FOXP1: variants seen among roughly 807,000 people sequenced by gnomAD.
The protein encoded by FOXP1 is forkhead box P1, also known as forkhead box protein P1.
FOXP1 carries 15 observed loss-of-function variants against 98.2 expected under a neutral mutation model. That is an observed-to-expected ratio of 0.15 (90% CI 0.10 to 0.24). The LOEUF (loss-of-function observed/expected upper bound fraction) is 0.24, where lower values mean the gene tolerates loss of function less well. Among genes scored for constraint, FOXP1 ranks in the 10% least tolerant of loss-of-function variants. The probability of loss-of-function intolerance (pLI) is 1.00; values close to 1 mark genes in which losing one functional copy is unlikely to be tolerated. For missense variants in FOXP1, 633 were observed against 848.5 expected, an observed-to-expected ratio of 0.75 and a Z score of 3.15; for synonymous variants, 371 against 314.5, an observed-to-expected ratio of 1.18 and a Z score of -1.90.
intron 7 of FOXP1, among the ~76,000 whole-genome samples, chr3:71,097,720 G>A (rs781684489): frequency 1.3e-5 from 2 of 152,168 alleles, no homozygotes; most frequent in Non-Finnish European, 2.9e-5. Flanking sequence ...ACAATCCAGG[G>A]AGGGTAACAG....
At chr3:71,103,699 G>A (rs1475825050) in intron 7 of FOXP1, among the ~76,000 whole-genome samples, 1 of 152,146 alleles carries the variant, frequency 6.6e-6, no homozygotes, top group African/African-American at 2.4e-5. Flanking sequence ...AAGGTGGGGG[G>A]AGGGAAGAAA....
chr3:71,345,963 A>G (rs1393387496), intron 4 of FOXP1, among the ~76,000 whole-genome samples: 3 of 149,124 alleles, frequency 2.0e-5, no homozygotes, highest in South Asian at 4.3e-4. Flanking sequence ...AGCACAAAAT[A>G]TAAGGAAAGG....
intron 10 of FOXP1, among the ~76,000 whole-genome samples, chr3:71,043,763 C>T (rs939562809): frequency 6.6e-6 from 1 of 152,264 alleles, no homozygotes; most frequent in Non-Finnish European, 1.5e-5. Context: ...CGCTTTCTCT[C>T]GAAGAAAAGC....
chr3:71,581,250 TG>T lies in FOXP1; in HGVS notation c.-298+298del, dbSNP rs897675399. ...ATAATTAATAGTTATAAGAGGGGAG[TG>T]GGGTGAGAAGGGGGGCGAGGATGTC... is the stretch of plus-strand genomic sequence containing the variant. On this transcript the variant is annotated intron_variant, in intron 2 of 20. Coordinates refer to ENST00000649528, the MANE Select transcript of FOXP1 (RefSeq NM_001349338.3). 17 of 982,708 alleles carry T rather than the reference TG, an allele frequency of 1.7e-5. No individual in the cohort carries two copies. In the African/African-American group the frequency reaches 2.7e-4, roughly 15 times the overall value. 60.9% of individuals were successfully genotyped at this position (982,708 alleles called of 1,614,324 possible).
At chr3:71,147,420 C>T (rs1371059371) in intron 6 of FOXP1, among the ~76,000 whole-genome samples, 5 of 152,158 alleles carry the variant, frequency 3.3e-5, no homozygotes, top group Admixed American at 3.3e-4. Context: ...GATCCCCTTC[C>T]CTCTCAGGGC....
At chr3:71,425,345 C>T (rs932330465) in intron 3 of FOXP1, among the ~76,000 whole-genome samples, 1 of 152,104 alleles carries the variant, frequency 6.6e-6, no homozygotes, top group South Asian at 2.1e-4. Flanking sequence ...CAGCTGGTCT[C>T]GAACTCCTGA....
intron 14 of FOXP1, among the ~76,000 whole-genome samples, chr3:70,982,256 T>TA (rs2038998037): frequency 6.6e-6 from 1 of 152,236 alleles, no homozygotes; most frequent in African/African-American, 2.4e-5. Flanking sequence ...ATATTCATCT[T>TA]AATTGTAAAC....
chr3:71,267,385 G>A (rs1482888553), intron 5 of FOXP1, among the ~76,000 whole-genome samples: 3 of 152,052 alleles, frequency 2.0e-5, no homozygotes, highest in East Asian at 1.9e-4. Context: ...GAAAGGACTC[G>A]ATGGCTAGAT....
At chr3:71,383,644 G>A (rs974938966) in intron 3 of FOXP1, among the ~76,000 whole-genome samples, 1 of 152,000 alleles carries the variant, frequency 6.6e-6, no homozygotes, top group Non-Finnish European at 1.5e-5. Context: ...AAAAAGCAGG[G>A]GTGTCTGTGC....
At chr3:71,169,769 T>TA (rs1412028042) in intron 6 of FOXP1, among the ~76,000 whole-genome samples, 3 of 138,632 alleles carry the variant, frequency 2.2e-5, no homozygotes, top group South Asian at 2.3e-4. Flanking sequence ...AATTACTGGC[T>TA]AAAAAATTAC....
intron 7 of FOXP1, among the ~76,000 whole-genome samples, chr3:71,089,637 A>T (rs1465403672): frequency 6.6e-6 from 1 of 152,186 alleles, no homozygotes; most frequent in African/African-American, 2.4e-5. Context: ...TCCTTGCCAC[A>T]TGGGGATCAC....
At chr3:71,214,240 C>T (rs1029131630) in intron 5 of FOXP1, among the ~76,000 whole-genome samples, 1 of 152,232 alleles carries the variant, frequency 6.6e-6, no homozygotes, top group Non-Finnish European at 1.5e-5. Context: ...GGATCTCCCC[C>T]ATGGGGAAGT....
chr3:71,082,241 C>T (rs1276995589), intron 7 of FOXP1, among the ~76,000 whole-genome samples: 5 of 149,026 alleles, frequency 3.4e-5, no homozygotes, highest in African/African-American at 7.5e-5. Flanking sequence ...ATTGCACCAC[C>T]GCACTCCAGC....
chr3:70,998,161 T>C (rs1238398659), intron 13 of FOXP1, among the ~76,000 whole-genome samples: 2 of 152,212 alleles, frequency 1.3e-5, no homozygotes, highest in African/African-American at 4.8e-5. Flanking sequence ...GGCAAACTTC[T>C]GTAAGAGCCA....
Position 70,958,202 on chromosome 3 carries a change from A to T in FOXP1, c.*1045T>A. 1 of 438,840 alleles carries T rather than the reference A, an allele frequency of 2.3e-6. No homozygotes were observed. The highest frequency in any genetic ancestry group is 4.3e-6 in the Non-Finnish European group (1 of 230,554). The allele number at this position is 438,840 out of a possible 1,614,324, so 27.2% of individuals were successfully genotyped here. ...CATTTATTAATGGTTGCTGCAAAAA[A>T]AAAAAAAGAAAAGAAAAGAAAAAAA... On this transcript the variant is annotated 3_prime_UTR_variant, in exon 21 of 21. Transcript: ENST00000649528.
chr3:71,427,060 C>CAA (rs1280211071), intron 3 of FOXP1, among the ~76,000 whole-genome samples: 89 of 103,598 alleles, frequency 8.6e-4, no homozygotes, highest in African/African-American at 2.7e-3. Context: ...GACTCCATCT[C>CAA]AAAAAAAAAA....
At chr3:70,970,115 TGTAACAA>T (rs1384943402) in intron 19 of FOXP1, 1 of 152,878 alleles carries the variant, frequency 6.5e-6, no homozygotes, top group East Asian at 1.9e-4. Flanking sequence ...CCATTGGTGA[TGTAACAA>T]GTACTTGGTT....
intron 17 of FOXP1, among the ~76,000 whole-genome samples, chr3:70,976,439 T>TACAA (rs2037545835): frequency 1.3e-5 from 2 of 152,218 alleles, no homozygotes; most frequent in African/African-American, 2.4e-5. Flanking sequence ...TAATAACTCC[T>TACAA]ACAAACAGTG....
At chr3:71,077,967 C>T (rs1281645752) in intron 7 of FOXP1, among the ~76,000 whole-genome samples, 4 of 151,928 alleles carry the variant, frequency 2.6e-5, no homozygotes, top group African/African-American at 7.3e-5. Context: ...CGAGTAACTG[C>T]GATTATAGGC....
Sources: allele counts gnomAD v4.1 joint callset (sites outside exome capture counted in the v4.1 genomes callset), GRCh38; gene constraint gnomAD v4.1.1; transcripts MANE v1.5; gene names NCBI Gene and HGNC (gene_info 2026-07-23, HGNC 2026-07-21).